The following EPOR variants were observed in gnomAD, a reference collection of about 807,000 sequenced individuals.
EPOR encodes erythropoietin receptor.
EPOR carries 20 observed loss-of-function variants against 34.3 expected under a neutral mutation model. The ratio of observed to expected loss-of-function variants is 0.58; its 90% CI spans 0.41 to 0.85. EPOR has a LOEUF of 0.85. Ranked by LOEUF, EPOR falls within the 40% of genes least tolerant of loss-of-function variation. The probability of loss-of-function intolerance (pLI) is 0.00; values close to 1 mark genes in which losing one functional copy is unlikely to be tolerated. For synonymous variants in EPOR, 312 were observed against 299.0 expected (o/e 1.04, Z -0.45); for missense variants, 601 against 672.7 (o/e 0.89, Z 1.18).
Position 11,384,111 on chromosome 19 carries a change from G to A in EPOR, c.97C>T (p.Pro33Ser), listed in dbSNP as rs1214941430. 6 of 1,549,894 alleles carry A rather than the reference G, an allele frequency of 3.9e-6. No individual in the cohort carries two copies. Among genetic ancestry groups the A allele is most frequent in the Admixed American group, 2.0e-5 (1 of 50,860 alleles). Residue 33 changes from proline to serine, a missense_variant, in exon 1 of 8, where the codon CCC becomes TCC. Coordinates refer to ENST00000222139, the MANE Select transcript of EPOR (RefSeq NM_000121.4). ...AWAPPPNLPD[P>S]KFESKAALLA... ...TCCTTACCTTTGCTCTCGAACTTGG[G>A]GTCCGGGAGGTTAGGCGGGGGCGCC...
Position 11,383,404 on chromosome 19 carries a change from T to G in EPOR, c.116-172A>C. ...GTCCGCAGAGGTGGTGCCCCCCTAA[T>G]TCCCAGGGGCAAGTTTCTCGCCTTA... On this transcript the variant is annotated intron_variant, in intron 1 of 7. Coordinates refer to ENST00000222139, the MANE Select transcript of EPOR (RefSeq NM_000121.4). This position sits in a 1 kb window ranked among gnomAD's most constrained non-coding sequence, Gnocchi z 4.9. 1.5e-5 allele frequency: 9 copies of G among 607,592 alleles called. No individual in the cohort carries two copies. The highest frequency in any genetic ancestry group is 1.7e-5 in the Non-Finnish European group (6 of 359,998). 37.6% of individuals were successfully genotyped at this position (607,592 alleles called of 1,614,324 possible).
Position 11,381,830 on chromosome 19 carries a change from CA to C in EPOR, c.446del (p.Val149GlyfsTer14). ...CGTCAGCCAACCGCGCCACCAGCCCCACGGGGGCGTCTAGGAGCACTGCAGG... is the reference window on the plus strand; with the variant it reads ...CGTCAGCCAACCGCGCCACCAGCCCCCGGGGGCGTCTAGGAGCACTGCAGG... ...INEVVLLDAP[V>X]GLVARLADES... On this transcript the variant is annotated frameshift_variant, in exon 4 of 8. Transcript: ENST00000222139. LOFTEE classifies it high-confidence loss of function. The surrounding 1 kb of genome is among the most constrained non-coding windows in gnomAD (Gnocchi z 5.3). 6.2e-7 allele frequency: 1 copy of C among 1,614,030 alleles called. No individual in the cohort carries two copies. The highest frequency in any genetic ancestry group is 8.5e-7 in the Non-Finnish European group (1 of 1,179,942).
chr19:11,382,840 G>GT, intron 2 of EPOR: 1 of 1,478,844 alleles, frequency 6.8e-7, no homozygotes, highest in Non-Finnish European at 9.0e-7. Context: ...ACGTAGTAAC[G>GT]CCTTACCCTC....
chr19:11,383,988 G>GA lies in EPOR; in HGVS notation c.115+104dup. 1.2e-6 allele frequency: 1 copy of GA among 808,100 alleles called. No homozygotes were observed. The highest frequency in any genetic ancestry group is 2.1e-6 in the Non-Finnish European group (1 of 479,434). 50.1% of individuals were successfully genotyped at this position (808,100 alleles called of 1,614,324 possible). ...AGCTTGGCCCCCAGGACCCGGTCAG[G>GA]AAGTCCAGAAACAGGCATGGCCCCC... On this transcript the variant is annotated intron_variant, in intron 1 of 7. Transcript: ENST00000222139. This position sits in a 1 kb window ranked among gnomAD's most constrained non-coding sequence, Gnocchi z 4.9.
In EPOR at chr19:11,377,926, G is replaced by A. The variant is rs1968302775; in HGVS notation, c.*58C>T. 6.2e-7 allele frequency: 1 copy of A among 1,608,940 alleles called. No individual in the cohort carries two copies. On this transcript the variant is annotated 3_prime_UTR_variant, in exon 8 of 8. Transcript: ENST00000222139. ...TCGCCATCCCTGTTCCATAAGTCTT[G>A]AGTCTGCACTGGTTCTCTGAGTCAT...
At position 11,381,635 on chromosome 19, in the gene EPOR, G is replaced by A. The variant is rs1199149435; in HGVS notation, c.585+57C>T. The stretch of plus-strand genomic sequence containing the variant: ...GGCACCGGGCGCGACCTCGAGAGGC[G>A]TGGCTGGGCCGTAGTCAGTGGAGCT... On this transcript the variant is annotated intron_variant, in intron 4 of 7. Transcript: ENST00000222139. This position sits in a 1 kb window ranked among gnomAD's most constrained non-coding sequence, Gnocchi z 5.3. The A allele has an allele frequency of 6.5e-7, 1 of 1,542,838 alleles. No homozygotes were observed. Among genetic ancestry groups the A allele is most frequent in the Non-Finnish European group, 8.8e-7 (1 of 1,140,048 alleles).
In EPOR at chr19:11,378,182, AG is replaced by A; in HGVS notation, c.1328del (p.Pro443LeufsTer10). On this transcript the variant is annotated frameshift_variant, in exon 8 of 8. Coordinates refer to ENST00000222139, the MANE Select transcript of EPOR (RefSeq NM_000121.4). LOFTEE classifies it high-confidence loss of function. The surrounding 1 kb of genome is among the most constrained non-coding windows in gnomAD (Gnocchi z 5.3). ...GGTGGGGTGGGGTAGGGGGCAGCTCAGGGCACAGTGTCCATGGACGCAAGAG... is the reference window on the plus strand; with the variant it reads ...GGTGGGGTGGGGTAGGGGGCAGCTCAGGCACAGTGTCCATGGACGCAAGAG... ...SQLLRPWTLC[P>X]ELPPTPPHLK... The A allele has an allele frequency of 6.2e-7, 1 of 1,614,140 alleles. No homozygotes were observed.
In EPOR at chr19:11,381,386, T is replaced by A. The variant is rs1007370640; in HGVS notation, c.586-177A>T. The A allele has an allele frequency of 1.4e-6, 1 of 739,102 alleles. No homozygotes were observed. The highest frequency in any genetic ancestry group is 2.2e-6 in the Non-Finnish European group (1 of 451,566). The allele number at this position is 739,102 out of a possible 1,614,324, so 45.8% of individuals were successfully genotyped here. A position where few individuals can be genotyped will look rare whatever the true frequency, so the allele number is the denominator to read the frequency against. The stretch of plus-strand genomic sequence containing the variant: ...AGCTCAGGGCCAATCAGAGAGAGAG[T>A]CTCTGGTACGAAAGGGCGGGACCCG... On this transcript the variant is annotated intron_variant, in intron 4 of 7. Coordinates refer to ENST00000222139, the MANE Select transcript of EPOR (RefSeq NM_000121.4). The surrounding 1 kb of genome is among the most constrained non-coding windows in gnomAD (Gnocchi z 5.3).
rs911266659 is a variant in EPOR, at chr19:11,381,622, G to T, written c.585+70C>A. The T allele has an allele frequency of 4.5e-5, 68 of 1,511,840 alleles. No individual in the cohort carries two copies. Among genetic ancestry groups the T allele is most frequent in the Non-Finnish European group, 5.7e-5 (64 of 1,118,154 alleles). The allele number at this position is 1,511,840 out of a possible 1,614,324, so 93.7% of individuals were successfully genotyped here. ...CGGCCCTGAAAGCGGCACCGGGCGC[G>T]ACCTCGAGAGGCGTGGCTGGGCCGT... On this transcript the variant is annotated intron_variant, in intron 4 of 7. Transcript: ENST00000222139. The surrounding 1 kb of genome is among the most constrained non-coding windows in gnomAD (Gnocchi z 5.3).
At chr19:11,380,088 C>T (rs945902673) in intron 6 of EPOR, among the ~76,000 whole-genome samples, 1 of 152,274 alleles carries the variant, frequency 6.6e-6, no homozygotes, top group African/African-American at 2.4e-5. Context: ...CTTCTCCCCA[C>T]TTTTCAAGCG....
rs765522005 is a variant in EPOR at position 11,381,080 on chromosome 19, G to C, written c.715C>G (p.Pro239Ala). 5 of 1,601,100 alleles carry C rather than the reference G, an allele frequency of 3.1e-6. No individual in the cohort carries two copies. Among genetic ancestry groups the C allele is most frequent in the Non-Finnish European group, 4.3e-6 (5 of 1,174,182 alleles). The change falls in exon 5 of 8, where the codon CCT becomes GCT. Residue 239 changes from proline to alanine, a missense_variant. By Grantham distance (27) the Pro-to-Ala change is conservative (BLOSUM62 -1). Coordinates refer to ENST00000222139, the MANE Select transcript of EPOR (RefSeq NM_000121.4). This position sits in a 1 kb window ranked among gnomAD's most constrained non-coding sequence, Gnocchi z 5.3. ...CCGCTAGGCGTCAGCAGCGACACAG[G>C]CTCCGACCAGGCGCTCCAGAAGCCG... is the stretch of plus-strand genomic sequence containing the variant. ...FGGFWSAWSE[P>A]VSLLTPSDLD...
rs1413091386 is a variant in EPOR, at chr19:11,377,941, C to G, written c.*43G>C. 6.2e-7 allele frequency: 1 copy of G among 1,612,474 alleles called. No individual in the cohort carries two copies. Among genetic ancestry groups the G allele is most frequent in the East Asian group, 2.2e-5 (1 of 44,898 alleles). On this transcript the variant is annotated 3_prime_UTR_variant, in exon 8 of 8. Transcript: ENST00000222139. ...CATAAGTCTTGAGTCTGCACTGGTT[C>G]TCTGAGTCATATTGGATCCCTGATC...
rs1215917460 is a variant in EPOR at position 11,383,333 on chromosome 19, A to G, written c.116-101T>C. On this transcript the variant is annotated intron_variant, in intron 1 of 7. Coordinates refer to ENST00000222139, the MANE Select transcript of EPOR (RefSeq NM_000121.4). This position sits in a 1 kb window ranked among gnomAD's most constrained non-coding sequence, Gnocchi z 4.9. Reference sequence around the variant, plus strand: ...CCGCAGCCTGGGCGGACCCGATAAGAAAAAAGCCCCGCCCTGCCATCTTCC... The same window carrying G: ...CCGCAGCCTGGGCGGACCCGATAAGGAAAAAGCCCCGCCCTGCCATCTTCC... 33 of 1,222,406 alleles carry G rather than the reference A, an allele frequency of 2.7e-5. No homozygotes were observed. The highest frequency in any genetic ancestry group is 3.3e-5 in the Non-Finnish European group (30 of 900,110). The allele number at this position is 1,222,406 out of a possible 1,614,324, so 75.7% of individuals were successfully genotyped here. A position where few individuals can be genotyped will look rare whatever the true frequency, so the allele number is the denominator to read the frequency against.
chr19:11,378,009 G>A lies in EPOR; in HGVS notation c.1502C>T (p.Pro501Leu), dbSNP rs1039655747. The A allele has an allele frequency of 1.9e-6, 3 of 1,614,008 alleles. No homozygotes were observed. The highest frequency in any genetic ancestry group is 2.7e-5 in the African/African-American group (2 of 74,910). ...NSLIPAAEPL[P>L]PSYVACS ...CTAAGAGCAAGCCACATAGCTGGGG[G>A]GCAGAGGCTCAGCGGCTGGGATAAG... The change falls in exon 8 of 8, where the codon CCC (proline) becomes CTC (leucine). Residue 501 changes from proline (P) to leucine (L), a missense_variant. Transcript: ENST00000222139. This position sits in a 1 kb window ranked among gnomAD's most constrained non-coding sequence, Gnocchi z 5.3.
rs550540904 is a variant in EPOR, at chr19:11,380,510, G to A, written c.827+374C>T. 5.9e-4 allele frequency among the ~76,000 whole-genome samples: 90 copies of A among 152,320 alleles called. 1 individual carries two copies. Among genetic ancestry groups the A allele is most frequent in the African/African-American group, 2.1e-3 (88 of 41,570 alleles). On this transcript the variant is annotated intron_variant, in intron 6 of 7. Coordinates refer to ENST00000222139, the MANE Select transcript of EPOR (RefSeq NM_000121.4). ...CTTGGAATTACAAATACCTCAGAAC[G>A]GCTAGTCTGATCATAGTGTCTGAGA...
Position 11,378,802 on chromosome 19 carries a change from T to A in EPOR, c.828-24A>T. On this transcript the variant is annotated intron_variant, in intron 6 of 7. Transcript: ENST00000222139. The surrounding 1 kb of genome is among the most constrained non-coding windows in gnomAD (Gnocchi z 5.3). ...CCCTGTTGAAGCCAATATAAATAGT[T>A]ACATAGATATGACTCATTGAATACT... is the stretch of plus-strand genomic sequence containing the variant. The A allele has an allele frequency of 1.2e-6, 2 of 1,608,970 alleles. No homozygotes were observed. The highest frequency in any genetic ancestry group is 2.2e-5 in the South Asian group (2 of 90,946).
rs1047612324 is a variant in EPOR at position 11,381,909 on chromosome 19, C to T, written c.427+21G>A. The T allele has an allele frequency of 5.0e-6, 8 of 1,614,092 alleles. No homozygotes were observed. In the Admixed American group the frequency reaches 1.0e-4, roughly 20 times the overall value. ...CTGAGACCCTCTCCTCCGACCACTC[C>T]TCCATTCCCAGAGCACTTACCTACT... On this transcript the variant is annotated intron_variant, in intron 3 of 7. Transcript: ENST00000222139. This position sits in a 1 kb window ranked among gnomAD's most constrained non-coding sequence, Gnocchi z 5.3.
chr19:11,381,138 G>C lies in EPOR; in HGVS notation c.657C>G (p.Ala219=), dbSNP rs61729384. The part of the protein sequence containing the change: ...NLRGRTRYTF[A]VRARMAEPSF... ...TCGGCTCAGCCATACGCGCGCGGAC[G>C]GCGAAGGTGTAGCGCGTCCGGCCCC... is the stretch of plus-strand genomic sequence containing the variant. The change falls in exon 5 of 8, where the codon GCC becomes GCG. Residue 219 remains alanine, a synonymous_variant. Coordinates refer to ENST00000222139, the MANE Select transcript of EPOR (RefSeq NM_000121.4). The surrounding 1 kb of genome is among the most constrained non-coding windows in gnomAD (Gnocchi z 5.3). 6.4e-7 allele frequency: 1 copy of C among 1,567,174 alleles called. No individual in the cohort carries two copies.
In EPOR at chr19:11,381,692, C is replaced by T. The variant is rs778494949; in HGVS notation, c.585G>A (p.Arg195=). ...SAGNGAGSVQ[R]VEILEGRTEC... ...GCTGGGCCGTAGGGGCTGGCCTCAC[C>T]CTCTGTACGCTCCCTGCGCCGTTGC... is the stretch of plus-strand genomic sequence containing the variant. The change falls in exon 4 of 8, where the codon AGG becomes AGA. Residue 195 remains arginine (R), a splice_region_variant and synonymous_variant. Coordinates refer to ENST00000222139, the MANE Select transcript of EPOR (RefSeq NM_000121.4). The surrounding 1 kb of genome is among the most constrained non-coding windows in gnomAD (Gnocchi z 5.3). The T allele has an allele frequency of 8.7e-6, 14 of 1,604,706 alleles. No homozygotes were observed. Among genetic ancestry groups the T allele is most frequent in the African/African-American group, 4.0e-5 (3 of 74,672 alleles).
Sources: gnomAD v4.1 joint callset for allele counts (sites outside exome capture counted in the v4.1 genomes callset) on GRCh38, gnomAD v4.1.1 for gene constraint, Gnocchi (gnomAD v3.1) non-coding constraint, MANE v1.5 for transcripts, NCBI Gene and HGNC (gene_info 2026-07-23, HGNC 2026-07-21) for gene names.